Variants in GPR149 observed in about 807,000 individuals in gnomAD.
GPR149 encodes the protein G protein-coupled receptor 149.
GPR149 carries 50 observed loss-of-function variants against 50.2 expected under a neutral mutation model. That is an observed-to-expected ratio of 1.00 (90% CI 0.79 to 1.26). The LOEUF (loss-of-function observed/expected upper bound fraction) is 1.26. GPR149 is among the 50% of genes most tolerant of loss of function. The pLI, the probability that GPR149 is intolerant of heterozygous loss-of-function variation, is 0.00. For missense variants in GPR149, 983 were observed against 895.4 expected, an observed-to-expected ratio of 1.10 and a Z score of -1.25; for synonymous variants, 405 against 358.2, an observed-to-expected ratio of 1.13 and a Z score of -1.48.
intron 3 of GPR149, among the ~76,000 whole-genome samples, chr3:154,369,392 T>C (rs1285370195): frequency 6.6e-6 from 1 of 152,226 alleles, no homozygotes; most frequent in Non-Finnish European, 1.5e-5. Context: ...AAGTCCCTTA[T>C]GTACAGGTTT....
chr3:154,389,846 C>T (rs780791774), intron 3 of GPR149, among the ~76,000 whole-genome samples: 1 of 152,204 alleles, frequency 6.6e-6, no homozygotes, highest in Non-Finnish European at 1.5e-5. Flanking sequence ...ACACATGCCA[C>T]AGCCCCACTC....
In GPR149 at chr3:154,429,435, T is replaced by C. The variant is rs755288183; in HGVS notation, c.181A>G (p.Met61Val). 2 of 1,614,162 alleles carry C rather than the reference T, an allele frequency of 1.2e-6. No individual in the cohort carries two copies. The highest frequency in any genetic ancestry group is 2.2e-5 in the East Asian group (1 of 44,874). The change falls in exon 1 of 4, where the codon ATG (methionine) becomes GTG (valine). Residue 61 changes from methionine to valine, a missense_variant. By Grantham distance (21) the Met-to-Val change is conservative (BLOSUM62 1). Coordinates refer to ENST00000389740, the MANE Select transcript of GPR149 (RefSeq NM_001038705.3). The stretch of plus-strand genomic sequence containing the variant: ...ATGGACACAACAGTTCTGTTCTGCA[T>C]TTTCAGCAGGGAAATTAGTGAATAA... Reference protein sequence around the residue: ...SIYSLISLLKMQNRTVVSMLV... With the variant: ...SIYSLISLLKVQNRTVVSMLV...
intron 3 of GPR149, among the ~76,000 whole-genome samples, chr3:154,358,177 T>G (rs1159578267): frequency 6.6e-6 from 1 of 152,050 alleles, no homozygotes; most frequent in Non-Finnish European, 1.5e-5. Flanking sequence ...CATTAGGATA[T>G]ATACCTAATG....
chr3:154,343,568 G>A (rs1162256528), intron 3 of GPR149, among the ~76,000 whole-genome samples: 1 of 152,100 alleles, frequency 6.6e-6, no homozygotes, highest in Non-Finnish European at 1.5e-5. Context: ...AGAGACAGGA[G>A]ACAAGTTGGG....
chr3:154,392,174 A>G (rs1190343655), intron 3 of GPR149, among the ~76,000 whole-genome samples: 2 of 151,886 alleles, frequency 1.3e-5, no homozygotes, highest in Non-Finnish European at 2.9e-5. Flanking sequence ...GATCTATACA[A>G]AACATTTCAC....
Position 154,421,207 on chromosome 3 carries a change from G to A in GPR149, c.1455C>T (p.Ser485=). ...CAGAAAACGCATCCTTTTTGTTGTT[G>A]GAATCCTGTTTAGCTTCTGTAATAT... ...NTDITEAKQD[S]NNKKDAFSDK... The change falls in exon 3 of 4, where the codon TCC becomes TCT. Residue 485 remains serine, a synonymous_variant. Transcript: ENST00000389740. The A allele has an allele frequency of 6.2e-7, 1 of 1,613,462 alleles. No individual in the cohort carries two copies. Among genetic ancestry groups the A allele is most frequent in the Non-Finnish European group, 8.5e-7 (1 of 1,179,608 alleles).
intron 3 of GPR149, among the ~76,000 whole-genome samples, chr3:154,378,896 C>T (rs1448543805): frequency 1.3e-5 from 2 of 152,036 alleles, no homozygotes; most frequent in African/African-American, 2.4e-5. Context: ...TAAAAACTGG[C>T]TAAATTAGGT....
intron 3 of GPR149, among the ~76,000 whole-genome samples, chr3:154,391,581 C>T (rs1421330459): frequency 6.6e-6 from 1 of 151,306 alleles, no homozygotes; most frequent in Non-Finnish European, 1.5e-5. Context: ...ATAGTAAGTA[C>T]TCGCCCATCA....
At position 154,359,940 on chromosome 3, in the gene GPR149, C is replaced by T. The variant is rs564367492; in HGVS notation, c.1624-21669G>A. Among the ~76,000 whole-genome samples, 88 of 152,234 alleles carry T rather than the reference C, an allele frequency of 5.8e-4. 2 individuals are homozygous for T. The South Asian group carries it at 9.8e-3, about 17-fold the overall frequency. ...AGTCCAATCACAGAATCTCTCTCATCCAGTAAGATGAAGAAAGACAACAGT... is the reference window on the plus strand; with the variant it reads ...AGTCCAATCACAGAATCTCTCTCATTCAGTAAGATGAAGAAAGACAACAGT... On this transcript the variant is annotated intron_variant, in intron 3 of 3. Transcript: ENST00000389740.
In GPR149 at chr3:154,344,158, C is replaced by T. The variant is rs936631012; in HGVS notation, c.1624-5887G>A. 5.3e-5 allele frequency among the ~76,000 whole-genome samples: 8 copies of T among 152,224 alleles called. No homozygotes were observed. The East Asian group carries it at 1.4e-3, about 26-fold the overall frequency. On this transcript the variant is annotated intron_variant, in intron 3 of 3. Transcript: ENST00000389740. Reference sequence around the variant, plus strand: ...ACTGTCTGTAATAAGTCAGATTATCCTCACGAATTTTACTAGAAAACTGTT... The same window carrying T: ...ACTGTCTGTAATAAGTCAGATTATCTTCACGAATTTTACTAGAAAACTGTT...
chr3:154,421,449 T>C lies in GPR149; in HGVS notation c.1213A>G (p.Lys405Glu), dbSNP rs760492165. The C allele has an allele frequency of 1.3e-5, 21 of 1,595,436 alleles. No individual in the cohort carries two copies. The East Asian group carries it at 4.7e-4, about 36-fold the overall frequency. ...KGFEFNLSFQ[K>E]SYGIYKIAHE... ...GCTATTTTATAAATCCCATAACTTT[T>C]TTGGAATGATAGATTGAATTCAAAG... Residue 405 changes from lysine to glutamate, a missense_variant, in exon 3 of 4, where the codon AAA (lysine) becomes GAA (glutamate). Transcript: ENST00000389740.
intron 3 of GPR149, among the ~76,000 whole-genome samples, chr3:154,409,460 A>G (rs535766662): frequency 6.6e-6 from 1 of 152,274 alleles, no homozygotes; most frequent in African/African-American, 2.4e-5. Flanking sequence ...GTGAAGTCCA[A>G]CTTCAAGAAA....
Position 154,428,926 on chromosome 3 carries a change from C to CT in GPR149, c.689dup (p.Glu231GlyfsTer56). The CT allele has an allele frequency of 6.2e-7, 1 of 1,614,104 alleles. No individual in the cohort carries two copies. Among genetic ancestry groups the CT allele is most frequent in the Non-Finnish European group, 8.5e-7 (1 of 1,179,996 alleles). Reference sequence around the variant, plus strand: ...GAATTGAAGCTCCACGGGAAATTTCCTGGTAGTTGGAGTGGAGTCTCGGCG... The same window carrying CT: ...GAATTGAAGCTCCACGGGAAATTTCCTTGGTAGTTGGAGTGGAGTCTCGGCG... On this transcript the variant is annotated frameshift_variant, in exon 1 of 4. Coordinates refer to ENST00000389740, the MANE Select transcript of GPR149 (RefSeq NM_001038705.3). LOFTEE classifies it high-confidence loss of function.
chr3:154,346,139 G>A (rs1713920108), intron 3 of GPR149, among the ~76,000 whole-genome samples: 1 of 152,086 alleles, frequency 6.6e-6, no homozygotes, highest in Non-Finnish European at 1.5e-5. Flanking sequence ...ATAGATGATC[G>A]TTAGGTAATT....
At chr3:154,414,763 T>C (rs1020594884) in intron 3 of GPR149, among the ~76,000 whole-genome samples, 2 of 151,986 alleles carry the variant, frequency 1.3e-5, no homozygotes, top group Admixed American at 1.3e-4. Context: ...CAATTACTAA[T>C]TGAGGGGTAT....
At chr3:154,356,808 C>T (rs1714240393) in intron 3 of GPR149, among the ~76,000 whole-genome samples, 1 of 152,132 alleles carries the variant, frequency 6.6e-6, no homozygotes, top group African/African-American at 2.4e-5. Context: ...CAATGACTTT[C>T]TTCACAGAAT....
intron 3 of GPR149, among the ~76,000 whole-genome samples, chr3:154,383,368 T>C (rs1714974923): frequency 6.6e-6 from 1 of 152,162 alleles, no homozygotes; most frequent in Admixed American, 6.5e-5. Flanking sequence ...AGGAAATGAT[T>C]CAAGTTAGGT....
chr3:154,409,274 G>A (rs1711774261), intron 3 of GPR149, among the ~76,000 whole-genome samples: 2 of 152,150 alleles, frequency 1.3e-5, no homozygotes, highest in East Asian at 3.9e-4. Context: ...CTGCCCAAAT[G>A]AGAAGGAACC....
rs796275035 is a variant in GPR149, at chr3:154,367,341, C to CG, written c.1624-29071_1624-29070insC. On this transcript the variant is annotated intron_variant, in intron 3 of 3. Coordinates refer to ENST00000389740, the MANE Select transcript of GPR149 (RefSeq NM_001038705.3). ...TCCTCTCTCCCTCTCTCCCTTCCCC[C>CG]CCCCGAAACTAAAAGGAATGTTAAA... Among the ~76,000 whole-genome samples the CG allele has an allele frequency of 8.4e-3, 354 of 41,894 alleles. 1 individual carries two copies. Among genetic ancestry groups the CG allele is most frequent in the African/African-American group, 0.022 (317 of 14,182 alleles). 27.5% of individuals were successfully genotyped at this position (41,894 alleles called of 152,430 possible).
Sources: gnomAD v4.1 joint callset for allele counts (sites outside exome capture counted in the v4.1 genomes callset) on GRCh38, gnomAD v4.1.1 for gene constraint, MANE v1.5 for transcripts, NCBI Gene and HGNC (gene_info 2026-07-23, HGNC 2026-07-21) for gene names.